The following SNCB variants were observed in gnomAD, a reference collection of about 807,000 sequenced individuals.
The protein encoded by SNCB is beta-synuclein.
In SNCB, 8 loss-of-function variants were observed where a neutral mutation model predicts 20.0. The ratio of observed to expected loss-of-function variants is 0.40; its 90% CI spans 0.24 to 0.72. The LOEUF is 0.72. Ranked by LOEUF, SNCB falls within the 30% of genes least tolerant of loss-of-function variation. The pLI is 0.37. For missense variants in SNCB, 125 were observed against 168.0 expected (o/e 0.74, Z 1.41); for synonymous variants, 56 against 65.4 (o/e 0.86, Z 0.69).
chr5:176,629,661 G>A lies in SNCB; in HGVS notation c.-7C>T. Reference sequence around the variant, plus strand: ...CCTTCATGAACACGTCCATCCTGGCGGCCTGGGGAGGGCGATACACGGGCA... The same window carrying A: ...CCTTCATGAACACGTCCATCCTGGCAGCCTGGGGAGGGCGATACACGGGCA... On this transcript the variant is annotated splice_region_variant and 5_prime_UTR_variant, in exon 2 of 6. Coordinates refer to ENST00000393693, the MANE Select transcript of SNCB (RefSeq NM_003085.5). The surrounding 1 kb of genome is among the most constrained non-coding windows in gnomAD (Gnocchi z 4.1). 2 of 1,612,888 alleles carry A rather than the reference G, an allele frequency of 1.2e-6. No individual in the cohort carries two copies.
intron 2 of SNCB, among the ~76,000 whole-genome samples, chr5:176,627,444 G>T (rs1172312414): frequency 6.6e-6 from 1 of 152,246 alleles, no homozygotes; most frequent in East Asian, 1.9e-4. Context: ...TGTGCAGATT[G>T]TAACTGGCAC....
chr5:176,621,660 C>T lies in SNCB; in HGVS notation c.283-357G>A, dbSNP rs1286918748. On this transcript the variant is annotated intron_variant, in intron 4 of 5. Transcript: ENST00000393693. The surrounding 1 kb of genome is among the most constrained non-coding windows in gnomAD (Gnocchi z 4.1). ...GCATCGGGACCCCAGAGATAACCCTCAGGCTCCCCTGGGCTGAAGGGAGCT... is the reference window on the plus strand; with the variant it reads ...GCATCGGGACCCCAGAGATAACCCTTAGGCTCCCCTGGGCTGAAGGGAGCT... Among the ~76,000 whole-genome samples, 3 of 152,248 alleles carry T rather than the reference C, an allele frequency of 2.0e-5. No individual in the cohort carries two copies. Among genetic ancestry groups the T allele is most frequent in the Non-Finnish European group, 2.9e-5 (2 of 68,034 alleles).
In SNCB at chr5:176,620,460, G is replaced by T. The variant is rs1182415697; in HGVS notation, c.*351C>A. On this transcript the variant is annotated 3_prime_UTR_variant, in exon 6 of 6. Transcript: ENST00000393693. This position sits in a 1 kb window ranked among gnomAD's most constrained non-coding sequence, Gnocchi z 4.5. ...GGTGCTCTGGGGCTGCCCGGGGGCC[G>T]CTTGGAGAGCCACTGTCGGGGATCG... The T allele has an allele frequency of 6.0e-6, 2 of 334,042 alleles. No homozygotes were observed. The highest frequency in any genetic ancestry group is 5.0e-5 in the East Asian group (1 of 19,828). 20.7% of individuals were successfully genotyped at this position (334,042 alleles called of 1,614,324 possible).
chr5:176,627,368 G>A (rs924788429), intron 2 of SNCB, among the ~76,000 whole-genome samples: 5 of 152,236 alleles, frequency 3.3e-5, no homozygotes, highest in East Asian at 1.9e-4. Flanking sequence ...TTCTCCTAGC[G>A]AGGGTGCAAA....
Position 176,629,813 on chromosome 5 carries a change from C to T in SNCB, c.-9-150G>A. 3.7e-6 allele frequency: 4 copies of T among 1,094,928 alleles called. No individual in the cohort carries two copies. The South Asian group carries it at 6.7e-5, about 18-fold the overall frequency. The allele number at this position is 1,094,928 out of a possible 1,614,324, so 67.8% of individuals were successfully genotyped here. On this transcript the variant is annotated intron_variant, in intron 1 of 5. Coordinates refer to ENST00000393693, the MANE Select transcript of SNCB (RefSeq NM_003085.5). This position sits in a 1 kb window ranked among gnomAD's most constrained non-coding sequence, Gnocchi z 4.1. ...CCCGCTTTCCCCCCATCCCACCCCA[C>T]TCCCCAGTGCGAAGCCTCAGGGCCG... is the stretch of plus-strand genomic sequence containing the variant.
chr5:176,625,571 G>A (rs1759888992), intron 4 of SNCB, among the ~76,000 whole-genome samples: 1 of 152,192 alleles, frequency 6.6e-6, no homozygotes, highest in East Asian at 1.9e-4. Context: ...ACCCAGCTGA[G>A]GCTGGGGGTA....
At position 176,625,894 on chromosome 5, in the gene SNCB, T is replaced by A. The variant is rs1421695142; in HGVS notation, c.282+504A>T. ...AAATAGCCCTCTCACCCCTTGCCTG[T>A]CTGTCCCATCGCCCTCTCTGTCTTT... On this transcript the variant is annotated intron_variant, in intron 4 of 5. Transcript: ENST00000393693. Among the ~76,000 whole-genome samples, 3 of 152,198 alleles carry A rather than the reference T, an allele frequency of 2.0e-5. No individual in the cohort carries two copies. In the East Asian group the frequency reaches 5.8e-4, roughly 29 times the overall value.
In SNCB at chr5:176,620,434, G is replaced by T. The variant is rs967532435; in HGVS notation, c.*377C>A. ...TCTCGAGGTTAATGGGAGTCGGGCG[G>T]GGTGCTCTGGGGCTGCCCGGGGGCC... On this transcript the variant is annotated 3_prime_UTR_variant, in exon 6 of 6. Transcript: ENST00000393693. The surrounding 1 kb of genome is among the most constrained non-coding windows in gnomAD (Gnocchi z 4.5). 1.6e-5 allele frequency: 5 copies of T among 303,060 alleles called. No individual in the cohort carries two copies. The highest frequency in any genetic ancestry group is 2.5e-5 in the Non-Finnish European group (4 of 161,444). 18.8% of individuals were successfully genotyped at this position (303,060 alleles called of 1,614,324 possible).
chr5:176,625,942 G>A (rs1759910411), intron 4 of SNCB, among the ~76,000 whole-genome samples: 1 of 152,088 alleles, frequency 6.6e-6, no homozygotes, highest in East Asian at 1.9e-4. Flanking sequence ...TTATCCCCGC[G>A]GAAAGCATCC....
rs971949388 is a variant in SNCB at position 176,620,649 on chromosome 5, A to G, written c.*162T>C. ...GGGGTTGGACGCGGGCGGGTAGGAC[A>G]GACAGATGGACAGACACTAACACAG... is the stretch of plus-strand genomic sequence containing the variant. On this transcript the variant is annotated 3_prime_UTR_variant, in exon 6 of 6. Transcript: ENST00000393693. This position sits in a 1 kb window ranked among gnomAD's most constrained non-coding sequence, Gnocchi z 4.5. 8 of 681,662 alleles carry G rather than the reference A, an allele frequency of 1.2e-5. No individual in the cohort carries two copies. In the South Asian group the frequency reaches 1.3e-4, roughly 11 times the overall value. The allele number at this position is 681,662 out of a possible 1,614,324, so 42.2% of individuals were successfully genotyped here.
chr5:176,629,810 C>G lies in SNCB; in HGVS notation c.-9-147G>C. 1 of 1,127,946 alleles carries G rather than the reference C, an allele frequency of 8.9e-7. No individual in the cohort carries two copies. The highest frequency in any genetic ancestry group is 2.7e-5 in the East Asian group (1 of 37,398). The allele number at this position is 1,127,946 out of a possible 1,614,324, so 69.9% of individuals were successfully genotyped here. ...CCTCCCGCTTTCCCCCCATCCCACC[C>G]CACTCCCCAGTGCGAAGCCTCAGGG... On this transcript the variant is annotated intron_variant, in intron 1 of 5. Transcript: ENST00000393693. This position sits in a 1 kb window ranked among gnomAD's most constrained non-coding sequence, Gnocchi z 4.1.
rs1419123923 is a variant in SNCB, at chr5:176,628,355, G to A, written c.121+1179C>T. Among the ~76,000 whole-genome samples, 3 of 152,074 alleles carry A rather than the reference G, an allele frequency of 2.0e-5. 1 individual carries two copies. Among genetic ancestry groups the A allele is most frequent in the Non-Finnish European group, 1.5e-5 (1 of 67,992 alleles). On this transcript the variant is annotated intron_variant, in intron 2 of 5. Coordinates refer to ENST00000393693, the MANE Select transcript of SNCB (RefSeq NM_003085.5). ...CAGCCATGCACTTTAGCCTTCTCCC[G>A]GTCTCCATTGCCACCACCCTCGCCC...
rs541107125 is a variant in SNCB at position 176,626,858 on chromosome 5, G to T, written c.122-97C>A. ...ATTACAGAGTGGGCATCCTGGCCCC[G>T]TCACTGCCTCCTTGGGTCCCCACAT... is the stretch of plus-strand genomic sequence containing the variant. On this transcript the variant is annotated intron_variant, in intron 2 of 5. Coordinates refer to ENST00000393693, the MANE Select transcript of SNCB (RefSeq NM_003085.5). This position sits in a 1 kb window ranked among gnomAD's most constrained non-coding sequence, Gnocchi z 4.2. 7.7e-7 allele frequency: 1 copy of T among 1,299,090 alleles called. No homozygotes were observed. Among genetic ancestry groups the T allele is most frequent in the Non-Finnish European group, 1.1e-6 (1 of 895,216 alleles). The allele number at this position is 1,299,090 out of a possible 1,614,324, so 80.5% of individuals were successfully genotyped here.
At chr5:176,622,554 C>A (rs1158659352) in intron 4 of SNCB, among the ~76,000 whole-genome samples, 1 of 150,886 alleles carries the variant, frequency 6.6e-6, no homozygotes, top group East Asian at 1.9e-4. Flanking sequence ...TTGGAAACAA[C>A]CCAAATGTCC....
At chr5:176,625,441 C>T (rs1000868340) in intron 4 of SNCB, among the ~76,000 whole-genome samples, 2 of 152,196 alleles carry the variant, frequency 1.3e-5, no homozygotes, top group Admixed American at 6.5e-5. Flanking sequence ...ATATTATCTC[C>T]AATCTGCATG....
Position 176,629,400 on chromosome 5 carries a change from C to G in SNCB, c.121+134G>C, listed in dbSNP as rs757498848. Reference sequence around the variant, plus strand: ...TATGGGCTGGCTATGTCCCCTATGACCCCTGCTGACCTCGCCCCATCTGCT... The same window carrying G: ...TATGGGCTGGCTATGTCCCCTATGAGCCCTGCTGACCTCGCCCCATCTGCT... On this transcript the variant is annotated intron_variant, in intron 2 of 5. Coordinates refer to ENST00000393693, the MANE Select transcript of SNCB (RefSeq NM_003085.5). This position sits in a 1 kb window ranked among gnomAD's most constrained non-coding sequence, Gnocchi z 4.1. 2 of 952,338 alleles carry G rather than the reference C, an allele frequency of 2.1e-6. No individual in the cohort carries two copies. The highest frequency in any genetic ancestry group is 4.4e-5 in the Admixed American group (2 of 45,718). The allele number at this position is 952,338 out of a possible 1,614,324, so 59.0% of individuals were successfully genotyped here.
Position 176,629,577 on chromosome 5 carries a change from G to T in SNCB, c.78C>A (p.Val26=). ...CCTTGGTCTTCTCCGCCGCCTCGGT[G>T]ACCCCCTGCTTGGTTTTCTCCGCGG... The part of the protein sequence containing the change: ...VAAAEKTKQG[V]TEAAEKTKEG... Residue 26 remains valine, a synonymous_variant, in exon 2 of 6, where the codon GTC becomes GTA. Transcript: ENST00000393693. This position sits in a 1 kb window ranked among gnomAD's most constrained non-coding sequence, Gnocchi z 4.1. The T allele has an allele frequency of 6.2e-7, 1 of 1,613,562 alleles. No individual in the cohort carries two copies. Among genetic ancestry groups the T allele is most frequent in the Non-Finnish European group, 8.5e-7 (1 of 1,179,798 alleles).
chr5:176,628,449 C>T (rs1760112535), intron 2 of SNCB, among the ~76,000 whole-genome samples: 1 of 152,180 alleles, frequency 6.6e-6, no homozygotes, highest in African/African-American at 2.4e-5. Flanking sequence ...GCCCAAGTGA[C>T]CGTTCTAAAC....
At chr5:176,624,401 G>A (rs1759798031) in intron 4 of SNCB, among the ~76,000 whole-genome samples, 1 of 152,232 alleles carries the variant, frequency 6.6e-6, no homozygotes, top group Non-Finnish European at 1.5e-5. Flanking sequence ...GCCACATTGG[G>A]AAGAGTCAAT....
Sources: gnomAD v4.1 joint callset for allele counts (sites outside exome capture counted in the v4.1 genomes callset) on GRCh38, gnomAD v4.1.1 for gene constraint, Gnocchi (gnomAD v3.1) non-coding constraint, MANE v1.5 for transcripts, NCBI Gene and HGNC (gene_info 2026-07-23, HGNC 2026-07-21) for gene names.